The following CADM2 variants were observed in gnomAD, a reference collection of about 807,000 sequenced individuals.
The protein encoded by CADM2 is cell adhesion molecule 2.
A neutral mutation model predicts 49.8 loss-of-function variants in CADM2; 12 were observed. The observed-to-expected ratio is 0.24, with a 90% CI of 0.15 to 0.39. CADM2 has a LOEUF of 0.39. CADM2 is among the 10% of genes least tolerant of loss of function. The pLI is 1.00. For missense variants in CADM2, 378 were observed against 492.3 expected (o/e 0.77, Z 2.20); for synonymous variants, 214 against 175.4 (o/e 1.22, Z -1.74).
intron 1 of CADM2, among the ~76,000 whole-genome samples, chr3:85,108,698 A>C (rs1219802003): frequency 2.6e-5 from 4 of 152,182 alleles, no homozygotes; most frequent in Non-Finnish European, 5.9e-5. Context: ...ACAATAAAAA[A>C]ATTAAAAAAA....
At chr3:85,461,729 G>A (rs1270134991) in intron 1 of CADM2, among the ~76,000 whole-genome samples, 1 of 152,022 alleles carries the variant, frequency 6.6e-6, no homozygotes, top group Non-Finnish European at 1.5e-5. Flanking sequence ...AAAGAATCTT[G>A]CTAGATCACA....
chr3:85,185,024 G>T lies in CADM2; in HGVS notation c.61+225356G>T, dbSNP rs114164865. On this transcript the variant is annotated intron_variant, in intron 1 of 9. Transcript: ENST00000383699. ...CCTTACAAAGTGCTAATGCAATAAG[G>T]TCCCTATAAGAGAAATGTAACCCTA... Among the ~76,000 whole-genome samples, 729 of 152,102 alleles carry T rather than the reference G, an allele frequency of 4.8e-3. 7 individuals are homozygous for T. Among genetic ancestry groups the T allele is most frequent in the African/African-American group, 0.017 (706 of 41,522 alleles).
intron 1 of CADM2, among the ~76,000 whole-genome samples, chr3:85,611,333 AATT>A (rs2063677372): frequency 1.3e-5 from 2 of 151,786 alleles, no homozygotes; most frequent in Non-Finnish European, 2.9e-5. Flanking sequence ...TTAATGGTAA[AATT>A]ATTATTTTGG....
intron 3 of CADM2, among the ~76,000 whole-genome samples, chr3:85,825,518 TG>T (rs2073858474): frequency 6.6e-6 from 1 of 152,030 alleles, no homozygotes; most frequent in South Asian, 2.1e-4. Flanking sequence ...ACAGGGGTGC[TG>T]GGAAAATGCA....
chr3:85,767,462 A>G (rs541360791), intron 2 of CADM2, among the ~76,000 whole-genome samples: 41 of 152,302 alleles, frequency 2.7e-4, no homozygotes, highest in African/African-American at 9.9e-4. Context: ...TTTTATTGAT[A>G]AGAAGAAATT....
At chr3:85,940,375 A>G (rs1272736698) in intron 7 of CADM2, among the ~76,000 whole-genome samples, 3 of 151,760 alleles carry the variant, frequency 2.0e-5, no homozygotes, top group African/African-American at 7.2e-5. Context: ...ATATAAAGTC[A>G]ATTTTCTTAG....
intron 1 of CADM2, among the ~76,000 whole-genome samples, chr3:85,284,080 A>G (rs968575825): frequency 6.6e-6 from 1 of 152,164 alleles, no homozygotes; most frequent in Non-Finnish European, 1.5e-5. Context: ...TTTGCAATGA[A>G]TATTTTAAAA....
intron 8 of CADM2, among the ~76,000 whole-genome samples, chr3:86,049,617 G>A (rs1737101739): frequency 1.3e-5 from 2 of 152,112 alleles, no homozygotes; most frequent in South Asian, 4.1e-4. Flanking sequence ...TCCATGGGCT[G>A]TACGAGAAAT....
At chr3:85,832,226 AG>A (rs774559830) in intron 3 of CADM2, among the ~76,000 whole-genome samples, 81 of 152,002 alleles carry the variant, frequency 5.3e-4, no homozygotes, top group South Asian at 1.2e-3. Flanking sequence ...GTAGCCTTGT[AG>A]TGTAGTTTGC....
chr3:85,389,713 A>T (rs2034427984), intron 1 of CADM2, among the ~76,000 whole-genome samples: 1 of 151,726 alleles, frequency 6.6e-6, no homozygotes, highest in Non-Finnish European at 1.5e-5. Context: ...CTTATTTATG[A>T]TTTTTTTGTA....
At chr3:86,055,004 A>G (rs1441179069) in intron 8 of CADM2, among the ~76,000 whole-genome samples, 3 of 152,182 alleles carry the variant, frequency 2.0e-5, no homozygotes, top group Admixed American at 2.0e-4. Flanking sequence ...GCTCCAAGAG[A>G]GAAAGACAGG....
At chr3:85,822,146 G>A (rs941331837) in intron 3 of CADM2, among the ~76,000 whole-genome samples, 1 of 152,116 alleles carries the variant, frequency 6.6e-6, no homozygotes, top group Non-Finnish European at 1.5e-5. Context: ...ATTTCTTGCT[G>A]GGAATAATGT....
intron 1 of CADM2, among the ~76,000 whole-genome samples, chr3:85,492,409 T>C (rs1195194184): frequency 6.6e-6 from 1 of 152,056 alleles, no homozygotes; most frequent in South Asian, 2.1e-4. Flanking sequence ...CTACCCAACA[T>C]GGTGAAACCC....
At chr3:85,941,231 A>G (rs1416764985) in intron 7 of CADM2, among the ~76,000 whole-genome samples, 1 of 152,148 alleles carries the variant, frequency 6.6e-6, no homozygotes, top group Non-Finnish European at 1.5e-5. Context: ...AGTGTATCTC[A>G]GCAAGTTTCC....
rs558219701 is a variant in CADM2, at chr3:85,643,441, C to T, written c.62-83081C>T. ...TGAAGTCTTCATTTGAAAATATGAG[C>T]GAAAGATTGACTTTAAATTTCCAGA... On this transcript the variant is annotated intron_variant, in intron 1 of 9. Coordinates refer to ENST00000383699, the MANE Select transcript of CADM2 (RefSeq NM_001167675.2). 2.4e-4 allele frequency among the ~76,000 whole-genome samples: 36 copies of T among 152,174 alleles called. 1 individual carries two copies. Among genetic ancestry groups the T allele is most frequent in the African/African-American group, 7.9e-4 (33 of 41,520 alleles).
chr3:85,860,400 A>G (rs1402918718), intron 3 of CADM2, among the ~76,000 whole-genome samples: 3 of 130,620 alleles, frequency 2.3e-5, no homozygotes. Context: ...ATATGGAGGG[A>G]AAAAAAACAA....
At chr3:85,843,333 T>G (rs1054576151) in intron 3 of CADM2, among the ~76,000 whole-genome samples, 1 of 152,048 alleles carries the variant, frequency 6.6e-6, no homozygotes, top group African/African-American at 2.4e-5. Flanking sequence ...TAGTAATGTA[T>G]CTTTGTCTTT....
chr3:85,923,568 CAGTAGCAAACAG>C (rs1719439311), intron 6 of CADM2, among the ~76,000 whole-genome samples: 1 of 146,974 alleles, frequency 6.8e-6, no homozygotes, highest in Admixed American at 6.8e-5. Context: ...CAAACAAACA[CAGTAGCAAACAG>C]AACTACAATA....
Position 86,010,642 on chromosome 3 carries a change from G to A in CADM2, c.970+48995G>A, listed in dbSNP as rs1341951587. Reference sequence around the variant, plus strand: ...ATTTTCACTGGTGCAAATAAATATTGAAAGAAAGAAACAAATATTAAGAAA... The same window carrying A: ...ATTTTCACTGGTGCAAATAAATATTAAAAGAAAGAAACAAATATTAAGAAA... On this transcript the variant is annotated intron_variant, in intron 8 of 9. Transcript: ENST00000383699. Among the ~76,000 whole-genome samples, 3 of 149,742 alleles carry A rather than the reference G, an allele frequency of 2.0e-5. No individual in the cohort carries two copies. The East Asian group carries it at 5.9e-4, about 29-fold the overall frequency.
Sources: allele counts gnomAD v4.1 joint callset (sites outside exome capture counted in the v4.1 genomes callset), GRCh38; gene constraint gnomAD v4.1.1; transcripts MANE v1.5; gene names NCBI Gene and HGNC (gene_info 2026-07-23, HGNC 2026-07-21).